CMYA5: variants seen among roughly 807,000 people sequenced by gnomAD.
The protein encoded by CMYA5 is cardiomyopathy associated 5, also known as cardiomyopathy-associated protein 5.
Under a neutral mutation model 318.9 loss-of-function variants are expected in CMYA5, and 246 were observed. That is an observed-to-expected ratio of 0.77 (90% CI 0.70 to 0.86). The LOEUF (loss-of-function observed/expected upper bound fraction) is 0.86. Ranked by LOEUF, CMYA5 falls within the 40% of genes least tolerant of loss-of-function variation. CMYA5 has a pLI of 0.00. For missense variants in CMYA5, 4,589 were observed against 4,678.2 expected, an observed-to-expected ratio of 0.98 and a Z score of 0.56; for synonymous variants, 1,641 against 1,729.5, an observed-to-expected ratio of 0.95 and a Z score of 1.27.
intron 1 of CMYA5, among the ~76,000 whole-genome samples, chr5:79,722,054 A>G (rs1827648917): frequency 6.6e-6 from 1 of 152,240 alleles, no homozygotes; most frequent in Admixed American, 6.5e-5. Context: ...TTTTCTTAAA[A>G]TGGCCATATA....
chr5:79,795,051 C>T (rs1829251591), intron 12 of CMYA5, among the ~76,000 whole-genome samples: 1 of 152,172 alleles, frequency 6.6e-6, no homozygotes, highest in East Asian at 1.9e-4. Context: ...AAAAAGCCCA[C>T]ACCAAGGGCT....
In CMYA5 at chr5:79,731,523, C is replaced by T; in HGVS notation, c.2758C>T (p.His920Tyr). Residue 920 changes from histidine (H) to tyrosine (Y), a missense_variant, in exon 2 of 13, where the codon CAT becomes TAT. Physicochemically the swap from His to Tyr is moderately conservative, Grantham distance 83 (BLOSUM62 2). Transcript: ENST00000446378. ...GGAGGCACAGGAGGAAGAAATTGTCCATAGATCTCTAAATCTAAAAGGTGC... is the reference window on the plus strand; with the variant it reads ...GGAGGCACAGGAGGAAGAAATTGTCTATAGATCTCTAAATCTAAAAGGTGC... ...TPEAQEEEIV[H>Y]RSLNLKGASS... is the part of the protein sequence containing the mutation. 1 of 1,603,246 alleles carries T rather than the reference C, an allele frequency of 6.2e-7. No individual in the cohort carries two copies. Among genetic ancestry groups the T allele is most frequent in the Non-Finnish European group, 8.5e-7 (1 of 1,175,034 alleles).
chr5:79,732,214 C>G lies in CMYA5; in HGVS notation c.3449C>G (p.Pro1150Arg), dbSNP rs377144788. ...REASSSVAAI[P>R]AALPAQSSIV... ...GCAAGTTCATCAGTAGCTGCAATACCTGCTGCTTTACCTGCACAATCATCT... is the reference window on the plus strand; with the variant it reads ...GCAAGTTCATCAGTAGCTGCAATACGTGCTGCTTTACCTGCACAATCATCT... Residue 1150 changes from proline to arginine, a missense_variant, in exon 2 of 13, where the codon CCT becomes CGT. Around this residue, in one of 3 missense-constraint regions of CMYA5, gnomAD observed 2,132 missense variants for 2,131.3 expected, o/e 1.00. Transcript: ENST00000446378. 2.5e-6 allele frequency: 4 copies of G among 1,613,888 alleles called. No individual in the cohort carries two copies. In the South Asian group the frequency reaches 4.4e-5, roughly 18 times the overall value.
chr5:79,701,096 A>G (rs1827167373), intron 1 of CMYA5, among the ~76,000 whole-genome samples: 1 of 151,500 alleles, frequency 6.6e-6, no homozygotes, highest in African/African-American at 2.4e-5. Context: ...AATACAAAAA[A>G]AAAAAAAAAA....
intron 6 of CMYA5, among the ~76,000 whole-genome samples, chr5:79,758,155 G>A (rs543227660): frequency 2.1e-4 from 32 of 152,006 alleles, no homozygotes; most frequent in African/African-American, 7.0e-4. Context: ...GCTTGAACCC[G>A]GGAGGCGGAG....
chr5:79,787,528 T>C (rs1459975846), intron 9 of CMYA5, among the ~76,000 whole-genome samples: 1 of 152,218 alleles, frequency 6.6e-6, no homozygotes, highest in Non-Finnish European at 1.5e-5. Flanking sequence ...GCCTAATTAG[T>C]TGTCAGTGGA....
intron 1 of CMYA5, among the ~76,000 whole-genome samples, chr5:79,721,065 TAA>T (rs1275441030): frequency 1.3e-5 from 2 of 152,164 alleles, no homozygotes; most frequent in Admixed American, 6.6e-5. Flanking sequence ...TGGGAATAGG[TAA>T]AAATATCAAT....
chr5:79,784,964 G>A (rs2151099256), intron 9 of CMYA5, among the ~76,000 whole-genome samples: 1 of 151,990 alleles, frequency 6.6e-6, no homozygotes, highest in East Asian at 1.9e-4. Context: ...TAAAAACTAG[G>A]TATTTTATCA....
chr5:79,739,950 T>C (rs1407332055), intron 2 of CMYA5, among the ~76,000 whole-genome samples: 1 of 151,650 alleles, frequency 6.6e-6, no homozygotes. Context: ...GCCACTGCAC[T>C]CCACTCTAGG....
intron 1 of CMYA5, among the ~76,000 whole-genome samples, chr5:79,705,242 A>T (rs1827249057): frequency 6.6e-6 from 1 of 152,214 alleles, no homozygotes. Context: ...ACTGCACTCC[A>T]GCCTGGGTGA....
rs773338707 is a variant in CMYA5 at position 79,735,615 on chromosome 5, G to T, written c.6850G>T (p.Val2284Leu). The T allele has an allele frequency of 6.2e-7, 1 of 1,613,594 alleles. No homozygotes were observed. Among genetic ancestry groups the T allele is most frequent in the Admixed American group, 1.7e-5 (1 of 59,966 alleles). The change falls in exon 2 of 13, where the codon GTG becomes TTG. Residue 2284 changes from valine to leucine, a missense_variant. This residue lies in a region of CMYA5 where 2,431 missense variants were observed against 2,495.1 expected (regional missense o/e 0.97). Coordinates refer to ENST00000446378, the MANE Select transcript of CMYA5 (RefSeq NM_153610.5). Reference protein sequence around the residue: ...DLQQPKFISEVSREDYGKKEI... With the variant: ...DLQQPKFISELSREDYGKKEI... ...ACAACAGCCAAAATTCATTTCTGAG[G>T]TGTCTAGGGAAGATTATGGAAAAAA...
chr5:79,738,741 AC>A lies in CMYA5; in HGVS notation c.9977del (p.Thr3326LysfsTer11). On this transcript the variant is annotated frameshift_variant, in exon 2 of 13. Transcript: ENST00000446378. LOFTEE classifies it high-confidence loss of function. ...AGCGATGCAGAAGAAAGCTCCCATC[AC>A]AGAGGACGTCAGAGTGGCTACCCAG... is the stretch of plus-strand genomic sequence containing the variant. ...NVAMQKKAPITEDVRVATQKI... is the reference protein window; with the variant it reads ...NVAMQKKAPIXEDVRVATQKI... 6.2e-7 allele frequency: 1 copy of A among 1,613,956 alleles called. No homozygotes were observed. The highest frequency in any genetic ancestry group is 8.5e-7 in the Non-Finnish European group (1 of 1,179,876).
Position 79,731,043 on chromosome 5 carries a change from G to GA in CMYA5, c.2282dup (p.Thr762AspfsTer3), listed in dbSNP as rs1446893134. 1.2e-6 allele frequency: 2 copies of GA among 1,613,810 alleles called. No homozygotes were observed. The highest frequency in any genetic ancestry group is 1.7e-6 in the Non-Finnish European group (2 of 1,179,882). ...GCCCTCTCTCTCACCATCCACAACC[G>GA]AAAAGACTTCTGAATGCCAGTCACC... is the stretch of plus-strand genomic sequence containing the variant. On this transcript the variant is annotated frameshift_variant, in exon 2 of 13. Transcript: ENST00000446378. LOFTEE classifies it high-confidence loss of function.
At chr5:79,793,335 C>G (rs1829210520) in intron 11 of CMYA5, 102 bp from the exon 12 acceptor site, 1 of 1,167,430 alleles carries the variant, frequency 8.6e-7, no homozygotes, top group Admixed American at 2.1e-5. Flanking sequence ...TTTCCAAGGG[C>G]AGAATCCTGC....
chr5:79,751,430 C>G (rs1828428766), intron 5 of CMYA5, among the ~76,000 whole-genome samples: 1 of 152,162 alleles, frequency 6.6e-6, no homozygotes, highest in Non-Finnish European at 1.5e-5. Flanking sequence ...ATACCCAGCC[C>G]AAATGTTACC....
chr5:79,697,830 T>C (rs1177803004), intron 1 of CMYA5, among the ~76,000 whole-genome samples: 1 of 152,216 alleles, frequency 6.6e-6, no homozygotes, highest in African/African-American at 2.4e-5. Flanking sequence ...TACTTCAAAC[T>C]TTTTTAAAGG....
At chr5:79,759,390 T>A (rs1017936298) in intron 7 of CMYA5, among the ~76,000 whole-genome samples, 6 of 152,338 alleles carry the variant, frequency 3.9e-5, no homozygotes, top group Admixed American at 3.9e-4. Flanking sequence ...CAGGTCTGTC[T>A]TTGCTAAAAG....
chr5:79,728,876 A>C (rs1376367023), intron 1 of CMYA5, 39 bp from the exon 2 acceptor site: 1 of 933,878 alleles, frequency 1.1e-6, no homozygotes, highest in Non-Finnish European at 1.4e-6. Flanking sequence ...GTATTATTTT[A>C]TTATGATAAT....
Position 79,735,455 on chromosome 5 carries a change from T to C in CMYA5, c.6690T>C (p.Ala2230=). The stretch of plus-strand genomic sequence containing the variant: ...CAATTCCCACCAATTTTAATGTAGC[T>C]GAGAAACCAGCTGATCATTCATTAT... ...EGTIPTNFNV[A]EKPADHSLSE... is the part of the protein sequence containing the mutation. The change falls in exon 2 of 13, where the codon GCT becomes GCC. Residue 2230 remains alanine (A), a synonymous_variant. Transcript: ENST00000446378. The C allele has an allele frequency of 6.2e-7, 1 of 1,613,872 alleles. No homozygotes were observed.
Sources: allele counts gnomAD v4.1 joint callset (sites outside exome capture counted in the v4.1 genomes callset), GRCh38; gene constraint gnomAD v4.1.1; regional missense constraint gnomAD v4.1.1; transcripts MANE v1.5; gene names NCBI Gene and HGNC (gene_info 2026-07-23, HGNC 2026-07-21).